STX2: variants seen among roughly 807,000 people sequenced by gnomAD.
STX2 encodes syntaxin-2.
A neutral mutation model predicts 40.6 loss-of-function variants in STX2; 27 were observed. The observed-to-expected ratio is 0.66, with a 90% CI of 0.49 to 0.92. The LOEUF is 0.92. STX2 is among the 40% of genes least tolerant of loss of function. STX2 has a pLI of 0.00. For missense variants in STX2, 328 were observed against 366.1 expected (o/e 0.90, Z 0.85); for synonymous variants, 123 against 119.1 (o/e 1.03, Z -0.22).
intron 6 of STX2, among the ~76,000 whole-genome samples, 166 bp from the exon 7 acceptor site, chr12:130,801,654 T>G (rs1951232338): frequency 1.3e-5 from 2 of 152,200 alleles, no homozygotes; most frequent in South Asian, 4.1e-4. Flanking sequence ...AACCTAAGAT[T>G]GAGGAGCAAG....
intron 1 of STX2, among the ~76,000 whole-genome samples, chr12:130,829,252 T>C (rs4619189): frequency 0.46 from 70,373 of 152,152 alleles, 19,620 homozygotes; most frequent in East Asian, 0.87. Flanking sequence ...ATTACCATGT[T>C]GACCCTCTTA....
At chr12:130,817,436 G>C (rs1233412490) in intron 3 of STX2, among the ~76,000 whole-genome samples, 1 of 152,112 alleles carries the variant, frequency 6.6e-6, no homozygotes. Context: ...ATGAAAAATA[G>C]AGAACAAAAG....
rs565310141 is a variant in STX2, at chr12:130,821,803, G to C, written c.106-15C>G. The C allele has an allele frequency of 6.4e-7, 1 of 1,554,420 alleles. No individual in the cohort carries two copies. Among genetic ancestry groups the C allele is most frequent in the Admixed American group, 1.7e-5 (1 of 59,476 alleles). On this transcript the variant is annotated splice_polypyrimidine_tract_variant and intron_variant, in intron 2 of 10. Coordinates refer to ENST00000392373, the MANE Select transcript of STX2 (RefSeq NM_194356.4). ...ATCTCCTCCACCTAGGAGAGAGAGA[G>C]AGTCATTACAGCATGGCAAACTCAA...
intron 5 of STX2, among the ~76,000 whole-genome samples, chr12:130,807,481 A>G (rs1226178502): frequency 2.0e-5 from 3 of 150,812 alleles, no homozygotes; most frequent in Admixed American, 6.6e-5. Flanking sequence ...CGCGTGCTTC[A>G]TCGCCTTGTG....
At chr12:130,829,044 A>T (rs544533120) in intron 1 of STX2, among the ~76,000 whole-genome samples, 94 of 152,164 alleles carry the variant, frequency 6.2e-4, no homozygotes, top group African/African-American at 2.1e-3. Flanking sequence ...CAGGGTCTGC[A>T]GGAGTCAGAC....
Position 130,821,814 on chromosome 12 carries a change from G to A in STX2, c.106-26C>T, listed in dbSNP as rs766204345. On this transcript the variant is annotated intron_variant, in intron 2 of 10. Coordinates refer to ENST00000392373, the MANE Select transcript of STX2 (RefSeq NM_194356.4). ...CTAGGAGAGAGAGAGAGTCATTACA[G>A]CATGGCAAACTCAAATCTGTGACCA... 3 of 1,498,444 alleles carry A rather than the reference G, an allele frequency of 2.0e-6. No individual in the cohort carries two copies. In the Admixed American group the frequency reaches 5.1e-5, roughly 26 times the overall value. 92.8% of individuals were successfully genotyped at this position (1,498,444 alleles called of 1,614,324 possible).
rs35156542 is a variant in STX2, at chr12:130,811,357, CA to C, written c.280+1599del. ...TGGGTGACAGAGTGAGACTCTGTCT[CA>C]AAAAAAAAAAAAAAAAATCAGGATA... On this transcript the variant is annotated intron_variant, in intron 4 of 10. Transcript: ENST00000392373. Among the ~76,000 whole-genome samples the C allele has an allele frequency of 4.0e-3, 392 of 98,446 alleles. 3 individuals are homozygous for C. Among genetic ancestry groups the C allele is most frequent in the South Asian group, 0.02 (56 of 2,800 alleles). The allele number at this position is 98,446 out of a possible 152,430, so 64.6% of individuals were successfully genotyped here.
At chr12:130,799,296 G>A (rs186138175) in intron 8 of STX2, among the ~76,000 whole-genome samples, 10 of 152,326 alleles carry the variant, frequency 6.6e-5, no homozygotes, top group Admixed American at 6.5e-4. Flanking sequence ...ATTTGCATTA[G>A]ATGAGTCAAT....
At chr12:130,814,027 G>A (rs541751435) in intron 3 of STX2, among the ~76,000 whole-genome samples, 17 of 152,282 alleles carry the variant, frequency 1.1e-4, no homozygotes, top group Admixed American at 5.9e-4. Flanking sequence ...CTGAGCATAC[G>A]CAGGGTGCCC....
chr12:130,823,256 G>A (rs145144796), intron 2 of STX2, among the ~76,000 whole-genome samples: 1 of 152,320 alleles, frequency 6.6e-6, no homozygotes, highest in East Asian at 1.9e-4. Context: ...AGGCTGTAGT[G>A]AGCTGTGACT....
chr12:130,816,081 C>T (rs1951847923), intron 3 of STX2, among the ~76,000 whole-genome samples: 1 of 152,122 alleles, frequency 6.6e-6, no homozygotes, highest in Non-Finnish European at 1.5e-5. Context: ...GCAAACACCC[C>T]CAAGGCCTGG....
chr12:130,815,944 G>A (rs771890617), intron 3 of STX2, among the ~76,000 whole-genome samples: 2 of 152,106 alleles, frequency 1.3e-5, no homozygotes, highest in Admixed American at 6.5e-5. Flanking sequence ...GAATAGTAAA[G>A]GGAACACAAA....
Position 130,839,078 on chromosome 12 carries a change from G to T in STX2, c.22C>A (p.Leu8Met). The T allele has an allele frequency of 2.3e-6, 3 of 1,331,684 alleles. No homozygotes were observed. The highest frequency in any genetic ancestry group is 2.9e-6 in the Non-Finnish European group (3 of 1,037,146). The allele number at this position is 1,331,684 out of a possible 1,614,324, so 82.5% of individuals were successfully genotyped here. A position where few individuals can be genotyped will look rare whatever the true frequency, so the allele number is the denominator to read the frequency against. ...CCGCGGCTGCCGCTCACCGCCGTCAGGTCTGGCAGCCGGTCCCGCATCCCC... is the reference window on the plus strand; with the variant it reads ...CCGCGGCTGCCGCTCACCGCCGTCATGTCTGGCAGCCGGTCCCGCATCCCC... MRDRLPD[L>M]TACRKNDDGD... The change falls in exon 1 of 11, where the codon CTG becomes ATG. Residue 8 changes from leucine to methionine, a missense_variant. Leu to Met is a conservative substitution (Grantham distance 15, BLOSUM62 2). Transcript: ENST00000392373.
chr12:130,838,924 CCT>C lies in STX2; in HGVS notation c.30+144_30+145del, dbSNP rs1952829404. ...GTCCCCGCTCAGGACTCCCTGAGAC[CCT>C]GCCCGCAGCCCCCGCCCCAGAACGC... On this transcript the variant is annotated intron_variant, in intron 1 of 10. Coordinates refer to ENST00000392373, the MANE Select transcript of STX2 (RefSeq NM_194356.4). The C allele has an allele frequency of 1.2e-5, 11 of 887,840 alleles. No individual in the cohort carries two copies. In the South Asian group the frequency reaches 3.8e-4, roughly 30 times the overall value. The allele number at this position is 887,840 out of a possible 1,614,324, so 55.0% of individuals were successfully genotyped here. A position where few individuals can be genotyped will look rare whatever the true frequency, so the allele number is the denominator to read the frequency against.
At chr12:130,813,423 G>T (rs1049386135) in intron 3 of STX2, among the ~76,000 whole-genome samples, 4 of 152,216 alleles carry the variant, frequency 2.6e-5, no homozygotes, top group African/African-American at 9.6e-5. Flanking sequence ...AAACGGAGAC[G>T]TAACGATGAT....
intron 1 of STX2, among the ~76,000 whole-genome samples, chr12:130,830,153 T>C (rs1463255555): frequency 6.6e-6 from 1 of 152,162 alleles, no homozygotes; most frequent in Non-Finnish European, 1.5e-5. Context: ...TTCCCACTAC[T>C]TCCTACCCCC....
intron 10 of STX2, 131 bp downstream of exon 10, chr12:130,795,864 T>G: frequency 9.1e-7 from 1 of 1,103,628 alleles, no homozygotes; most frequent in South Asian, 1.9e-5. Context: ...GGCAGATGTA[T>G]CACTAGATGG....
intron 10 of STX2, 96 bp downstream of exon 10, chr12:130,795,899 A>C: frequency 7.0e-7 from 1 of 1,424,894 alleles, no homozygotes; most frequent in Non-Finnish European, 9.3e-7. Context: ...CGTGGCTGGC[A>C]AGCTTTTATT....
Position 130,820,785 on chromosome 12 carries a change from C to A in STX2, c.205+904G>T, listed in dbSNP as rs367718325. ...GATGTGCGCGACCCTCCTCGGAACC[C>A]ACAGCACCGCACAGACCGGCATTAA... On this transcript the variant is annotated intron_variant, in intron 3 of 10. Coordinates refer to ENST00000392373, the MANE Select transcript of STX2 (RefSeq NM_194356.4). Among the ~76,000 whole-genome samples the A allele has an allele frequency of 5.3e-5, 8 of 152,220 alleles. No homozygotes were observed. The East Asian group carries it at 9.6e-4, about 18-fold the overall frequency.
Sources: allele counts gnomAD v4.1 joint callset (sites outside exome capture counted in the v4.1 genomes callset), GRCh38; gene constraint gnomAD v4.1.1; transcripts MANE v1.5; gene names NCBI Gene and HGNC (gene_info 2026-07-23, HGNC 2026-07-21).